The following PDE4B variants were observed in gnomAD, a reference collection of about 807,000 sequenced individuals.
PDE4B encodes the protein 3',5'-cyclic-AMP phosphodiesterase 4B.
PDE4B carries 20 observed loss-of-function variants against 82.2 expected under a neutral mutation model. The observed-to-expected ratio is 0.24, with a 90% CI of 0.17 to 0.35. The LOEUF (loss-of-function observed/expected upper bound fraction) is 0.35, where lower values mean the gene tolerates loss of function less well. PDE4B is among the 10% of genes least tolerant of loss of function. The pLI, the probability that PDE4B is intolerant of heterozygous loss-of-function variation, is 1.00. For synonymous variants in PDE4B, 320 were observed against 318.9 expected, an observed-to-expected ratio of 1.00 and a Z score of -0.04; for missense variants, 655 against 907.2, an observed-to-expected ratio of 0.72 and a Z score of 3.57.
At chr1:66,228,640 A>C (rs1557647361) in intron 3 of PDE4B, among the ~76,000 whole-genome samples, 1 of 151,694 alleles carries the variant, frequency 6.6e-6, no homozygotes, top group Admixed American at 6.6e-5. Context: ...AAAAAAAAAA[A>C]AAACATGCTA....
chr1:65,927,473 ATG>A (rs1647568751), intron 3 of PDE4B, among the ~76,000 whole-genome samples: 2 of 147,650 alleles, frequency 1.4e-5, no homozygotes, highest in African/African-American at 4.9e-5. Context: ...TATATAATAT[ATG>A]TAAATATATA....
intron 1 of PDE4B, among the ~76,000 whole-genome samples, chr1:65,879,804 A>G (rs1053911602): frequency 1.3e-5 from 2 of 152,226 alleles, no homozygotes; most frequent in African/African-American, 4.8e-5. Context: ...TGTATTCCTA[A>G]CCAAACTTAA....
chr1:66,072,454 T>TA (rs1656202113), intron 3 of PDE4B, among the ~76,000 whole-genome samples: 2 of 152,166 alleles, frequency 1.3e-5, no homozygotes, highest in South Asian at 4.1e-4. Context: ...ATTCTACTAC[T>TA]AAAATGCTTT....
chr1:66,335,035 A>T (rs1660410030), intron 8 of PDE4B, among the ~76,000 whole-genome samples: 1 of 152,216 alleles, frequency 6.6e-6, no homozygotes, highest in Non-Finnish European at 1.5e-5. Flanking sequence ...AATGTTGCTG[A>T]AATTATCTGA....
At chr1:66,030,120 T>C (rs1281330936) in intron 3 of PDE4B, among the ~76,000 whole-genome samples, 1 of 152,120 alleles carries the variant, frequency 6.6e-6, no homozygotes, top group Non-Finnish European at 1.5e-5. Context: ...ATATGGTTTT[T>C]GGTTTTGATT....
chr1:66,332,380 C>G, intron 7 of PDE4B, 128 bp from the exon 8 acceptor site: 1 of 1,613,070 alleles, frequency 6.2e-7, no homozygotes, highest in South Asian at 1.1e-5. Flanking sequence ...AAGGAGCCAG[C>G]GTGCAAATAA....
chr1:66,265,942 T>C (rs1655001548), intron 6 of PDE4B, 96 bp from the exon 7 acceptor site: 5 of 880,992 alleles, frequency 5.7e-6, no homozygotes, highest in Non-Finnish European at 9.7e-6. Flanking sequence ...CATTATGACC[T>C]GGAAAAGTCC....
At chr1:65,921,215 G>T (rs566785038) in intron 3 of PDE4B, among the ~76,000 whole-genome samples, 2 of 151,724 alleles carry the variant, frequency 1.3e-5, no homozygotes, top group Non-Finnish European at 2.9e-5. Context: ...TGATCCGCCC[G>T]CCTCGGCCTC....
intron 3 of PDE4B, among the ~76,000 whole-genome samples, chr1:66,203,918 G>A (rs564709898): frequency 6.6e-6 from 1 of 152,160 alleles, no homozygotes; most frequent in Admixed American, 6.5e-5. Context: ...AGGAGGAGAG[G>A]TGCTCTGCTT....
intron 3 of PDE4B, among the ~76,000 whole-genome samples, chr1:66,150,283 G>A (rs958219549): frequency 7.2e-5 from 11 of 152,022 alleles, no homozygotes; most frequent in African/African-American, 1.9e-4. Flanking sequence ...AAAAAAAAAG[G>A]GCCAATGGAA....
At position 66,123,822 on chromosome 1, in the gene PDE4B, G is replaced by A. The variant is rs544953617; in HGVS notation, c.282-123638G>A. Among the ~76,000 whole-genome samples, 4 of 152,258 alleles carry A rather than the reference G, an allele frequency of 2.6e-5. No individual in the cohort carries two copies. In the South Asian group the frequency reaches 8.3e-4, roughly 32 times the overall value. On this transcript the variant is annotated intron_variant, in intron 3 of 16. Coordinates refer to ENST00000341517, the MANE Select transcript of PDE4B (RefSeq NM_002600.4). ...GTACTTGTGATCATTAAATCCCTTA[G>A]CCTACCAGTGGCTTTTTTACTTGAC...
chr1:66,297,981 G>T (rs781498176), intron 7 of PDE4B, among the ~76,000 whole-genome samples: 5 of 152,130 alleles, frequency 3.3e-5, no homozygotes, highest in Non-Finnish European at 7.4e-5. Flanking sequence ...ATATGTAAAA[G>T]TCTGCCCAAA....
intron 1 of PDE4B, among the ~76,000 whole-genome samples, chr1:65,819,829 A>G (rs1030073730): frequency 6.6e-6 from 1 of 152,186 alleles, no homozygotes; most frequent in African/African-American, 2.4e-5. Flanking sequence ...TGTAAAGGGC[A>G]TGAAATTAGT....
At chr1:65,915,349 A>T (rs182229895) in intron 2 of PDE4B, among the ~76,000 whole-genome samples, 48 of 152,312 alleles carry the variant, frequency 3.2e-4, no homozygotes, top group African/African-American at 1.1e-3. Context: ...TTTAGCTTCA[A>T]TAGGGACTCT....
At chr1:66,109,107 C>G (rs1271465277) in intron 3 of PDE4B, among the ~76,000 whole-genome samples, 1 of 151,962 alleles carries the variant, frequency 6.6e-6, no homozygotes, top group Non-Finnish European at 1.5e-5. Flanking sequence ...TGCATTGTAA[C>G]TAGGATGTAG....
rs543237234 is a variant in PDE4B, at chr1:66,111,838, A to G, written c.282-135622A>G. On this transcript the variant is annotated intron_variant, in intron 3 of 16. Transcript: ENST00000341517. Reference sequence around the variant, plus strand: ...TTAGGTATTTTTGTCTTGTCTGGTTATGGTTTCTTACCAAAAATAAACAAT... The same window carrying G: ...TTAGGTATTTTTGTCTTGTCTGGTTGTGGTTTCTTACCAAAAATAAACAAT... 1.2e-3 allele frequency among the ~76,000 whole-genome samples: 189 copies of G among 152,178 alleles called. 1 individual carries two copies. The highest frequency in any genetic ancestry group is 4.4e-3 in the African/African-American group (181 of 41,542).
intron 3 of PDE4B, among the ~76,000 whole-genome samples, chr1:66,234,496 C>G (rs1027094603): frequency 3.3e-5 from 5 of 152,138 alleles, no homozygotes; most frequent in African/African-American, 9.7e-5. Flanking sequence ...ACTATGTTAG[C>G]CAGGCTGGTC....
intron 6 of PDE4B, among the ~76,000 whole-genome samples, chr1:66,264,021 C>T (rs553911608): frequency 2.6e-5 from 4 of 152,276 alleles, no homozygotes; most frequent in Admixed American, 6.5e-5. Flanking sequence ...AGGGATCAAG[C>T]GGTAAACAAG....
At chr1:66,306,473 G>A (rs1274933142) in intron 7 of PDE4B, among the ~76,000 whole-genome samples, 2 of 152,038 alleles carry the variant, frequency 1.3e-5, no homozygotes, top group Non-Finnish European at 2.9e-5. Context: ...TTTTGAGATA[G>A]AAACTCCGGA....
Sources: allele counts gnomAD v4.1 joint callset (sites outside exome capture counted in the v4.1 genomes callset), GRCh38; gene constraint gnomAD v4.1.1; transcripts MANE v1.5; gene names NCBI Gene and HGNC (gene_info 2026-07-23, HGNC 2026-07-21).